TMEM132B: variants seen among roughly 807,000 people sequenced by gnomAD.
The protein encoded by TMEM132B is transmembrane protein 132B.
Under a neutral mutation model 90.8 loss-of-function variants are expected in TMEM132B, and 18 were observed. The ratio of observed to expected loss-of-function variants is 0.20; its 90% CI spans 0.14 to 0.29. TMEM132B has a LOEUF of 0.29. TMEM132B is among the 10% of genes least tolerant of loss of function. The pLI is 1.00. For missense variants in TMEM132B, 1,096 were observed against 1,326.8 expected (o/e 0.83, Z 2.70); for synonymous variants, 504 against 523.3 (o/e 0.96, Z 0.50).
At chr12:125,247,805 A>G (rs146111770) in intron 1 of TMEM132B, among the ~76,000 whole-genome samples, 9 of 152,318 alleles carry the variant, frequency 5.9e-5, no homozygotes, top group African/African-American at 2.2e-4. Flanking sequence ...TTACTGGGAC[A>G]GTGTGGGAAC....
chr12:125,363,869 A>T (rs1878039868), intron 2 of TMEM132B, among the ~76,000 whole-genome samples: 1 of 152,216 alleles, frequency 6.6e-6, no homozygotes, highest in Non-Finnish European at 1.5e-5. Flanking sequence ...ATGGTTTAAT[A>T]GAAATATTCA....
Position 125,407,624 on chromosome 12 carries a change from T to A in TMEM132B, c.960-7907T>A, listed in dbSNP as rs1879539224. Among the ~76,000 whole-genome samples the A allele has an allele frequency of 1.3e-5, 2 of 152,204 alleles. No individual in the cohort carries two copies. The highest frequency in any genetic ancestry group is 2.9e-5 in the Non-Finnish European group (2 of 68,036). ...CTCTCCCTGGTCCAACCAGGAGGGATGCTCATCTGGACTCAGACTCTTTCC... is the reference window on the plus strand; with the variant it reads ...CTCTCCCTGGTCCAACCAGGAGGGAAGCTCATCTGGACTCAGACTCTTTCC... On this transcript the variant is annotated intron_variant, in intron 2 of 8. Transcript: ENST00000682704. The surrounding 1 kb of genome is among the most constrained non-coding windows in gnomAD (Gnocchi z 6.7).
chr12:125,515,608 ACAC>A (rs1321228805), intron 3 of TMEM132B, among the ~76,000 whole-genome samples: 1 of 147,500 alleles, frequency 6.8e-6, no homozygotes, highest in Non-Finnish European at 1.5e-5. Context: ...CACTCATACA[ACAC>A]ATATTCACAC....
At chr12:125,398,318 C>T (rs1033765368) in intron 2 of TMEM132B, among the ~76,000 whole-genome samples, 3 of 152,198 alleles carry the variant, frequency 2.0e-5, no homozygotes, top group African/African-American at 7.2e-5. Flanking sequence ...GGGGTGGTAT[C>T]TCATCGATTG....
intron 5 of TMEM132B, among the ~76,000 whole-genome samples, chr12:125,609,816 C>CAAAAA (rs763840695): frequency 3.8e-4 from 15 of 39,432 alleles, no homozygotes; most frequent in African/African-American, 7.8e-4. Context: ...GACTCTGTCT[C>CAAAAA]AAAAAAAAAA....
At chr12:125,335,129 T>G (rs1198164785) in intron 1 of TMEM132B, among the ~76,000 whole-genome samples, 1 of 152,238 alleles carries the variant, frequency 6.6e-6, no homozygotes, top group Non-Finnish European at 1.5e-5. Flanking sequence ...ATTGCAAAGG[T>G]AACACGTTTC....
intron 4 of TMEM132B, among the ~76,000 whole-genome samples, chr12:125,556,955 C>T (rs1017523212): frequency 1.3e-5 from 2 of 151,220 alleles, no homozygotes; most frequent in Admixed American, 6.6e-5. Flanking sequence ...AGAGTTTCAC[C>T]GTGTTAGCCA....
chr12:125,616,105 T>C (rs1009728739), intron 5 of TMEM132B, among the ~76,000 whole-genome samples: 1 of 101,828 alleles, frequency 9.8e-6, no homozygotes, highest in East Asian at 3.4e-4. Context: ...CACCCCACAA[T>C]AGGCCCCAGT....
chr12:125,629,987 T>A, intron 5 of TMEM132B, among the ~76,000 whole-genome samples: 1 of 152,172 alleles, frequency 6.6e-6, no homozygotes, highest in East Asian at 1.9e-4. Flanking sequence ...CAGGGATAAA[T>A]CCCACTTGAT....
chr12:125,482,989 G>T (rs531488785), intron 3 of TMEM132B, among the ~76,000 whole-genome samples: 5 of 151,062 alleles, frequency 3.3e-5, no homozygotes, highest in Admixed American at 2.0e-4. Flanking sequence ...GCAAACTATC[G>T]CAAGGACAGA....
At chr12:125,373,400 G>A (rs533596605) in intron 2 of TMEM132B, among the ~76,000 whole-genome samples, 3 of 152,150 alleles carry the variant, frequency 2.0e-5, no homozygotes, top group African/African-American at 7.2e-5. Context: ...ATTAGGGTGG[G>A]CTTTAATCCG....
intron 3 of TMEM132B, among the ~76,000 whole-genome samples, chr12:125,503,258 G>A (rs920118695): frequency 6.6e-6 from 1 of 152,202 alleles, no homozygotes; most frequent in African/African-American, 2.4e-5. Context: ...CTGGCACCCT[G>A]GGGGCCCTCT....
chr12:125,441,435 A>G (rs1880868400), intron 3 of TMEM132B, among the ~76,000 whole-genome samples: 1 of 152,240 alleles, frequency 6.6e-6, no homozygotes, highest in Non-Finnish European at 1.5e-5. Context: ...AAATACACAG[A>G]AAGGATGTAT....
chr12:125,520,918 C>T (rs867738302), intron 4 of TMEM132B, among the ~76,000 whole-genome samples: 2 of 152,160 alleles, frequency 1.3e-5, no homozygotes, highest in Admixed American at 6.5e-5. Flanking sequence ...ATTAGACTGA[C>T]GGAGATCATT....
chr12:125,279,676 T>C (rs571633279), intron 1 of TMEM132B, among the ~76,000 whole-genome samples: 1 of 152,340 alleles, frequency 6.6e-6, no homozygotes, highest in Admixed American at 6.5e-5. Flanking sequence ...TTTCCCTTGT[T>C]GATCCTGTTG....
At chr12:125,554,528 T>C (rs1412281750) in intron 4 of TMEM132B, among the ~76,000 whole-genome samples, 1 of 151,616 alleles carries the variant, frequency 6.6e-6, no homozygotes, top group Non-Finnish European at 1.5e-5. Flanking sequence ...CGGGCTTTTC[T>C]CTGCGTTGGT....
chr12:125,465,126 A>G (rs1881530695), intron 3 of TMEM132B, among the ~76,000 whole-genome samples: 1 of 152,232 alleles, frequency 6.6e-6, no homozygotes, highest in African/African-American at 2.4e-5. Flanking sequence ...TAATCCCTCA[A>G]AATCCTAGCT....
intron 4 of TMEM132B, among the ~76,000 whole-genome samples, chr12:125,562,819 T>G (rs2136799954): frequency 6.6e-6 from 1 of 152,286 alleles, no homozygotes; most frequent in African/African-American, 2.4e-5. Context: ...GCCTTTCACC[T>G]TATGCCACGG....
intron 1 of TMEM132B, among the ~76,000 whole-genome samples, chr12:125,237,477 T>C (rs2136088649): frequency 6.6e-6 from 1 of 152,292 alleles, no homozygotes; most frequent in South Asian, 2.1e-4. Flanking sequence ...TGAGAAGGGC[T>C]TCACTCTGTT....
Sources: gnomAD v4.1 joint callset for allele counts (sites outside exome capture counted in the v4.1 genomes callset) on GRCh38, gnomAD v4.1.1 for gene constraint, Gnocchi (gnomAD v3.1) non-coding constraint, MANE v1.5 for transcripts, NCBI Gene and HGNC (gene_info 2026-07-23, HGNC 2026-07-21) for gene names.